The following ADGRV1 variants were observed in gnomAD, a reference collection of about 807,000 sequenced individuals.
ADGRV1 encodes G-protein coupled receptor 98.
ADGRV1 carries 359 observed loss-of-function variants against 596.2 expected under a neutral mutation model. That is an observed-to-expected ratio of 0.60 (90% confidence interval 0.55 to 0.66). The LOEUF is 0.66. Among genes scored for constraint, ADGRV1 ranks in the 30% least tolerant of loss-of-function variants. The pLI, the probability that ADGRV1 is intolerant of heterozygous loss-of-function variation, is 0.00. For missense variants in ADGRV1, 7,274 were observed against 7,575.6 expected (o/e 0.96, Z 1.48); for synonymous variants, 2,681 against 2,679.2 (o/e 1.00, Z -0.02).
rs1052056027 is a variant in ADGRV1 at position 90,807,834 on chromosome 5, A to C, written c.14972+97A>C. The C allele has an allele frequency of 9.1e-6, 10 of 1,094,280 alleles. 1 individual carries two copies. The highest frequency in any genetic ancestry group is 2.4e-5 in the Admixed American group (1 of 40,884). 67.8% of individuals were successfully genotyped at this position (1,094,280 alleles called of 1,614,324 possible). On this transcript the variant is annotated intron_variant, in intron 73 of 89. Transcript: ENST00000405460. Reference sequence around the variant, plus strand: ...AAAGGCACAAGGGTTATTCTCCTTGAAGCAAACACAAACATAGTTTTAGTG... The same window carrying C: ...AAAGGCACAAGGGTTATTCTCCTTGCAGCAAACACAAACATAGTTTTAGTG...
intron 87 of ADGRV1, among the ~76,000 whole-genome samples, chr5:91,121,848 ACT>A (rs1180798983): frequency 6.6e-6 from 1 of 152,014 alleles, no homozygotes; most frequent in Non-Finnish European, 1.5e-5. Context: ...GAGTTGAGCA[ACT>A]CTAAAGCCGT....
At chr5:90,908,547 G>T (rs1772538169) in intron 83 of ADGRV1, among the ~76,000 whole-genome samples, 1 of 152,122 alleles carries the variant, frequency 6.6e-6, no homozygotes, top group African/African-American at 2.4e-5. Flanking sequence ...CATATGTGAA[G>T]AAATCTGTGC....
At chr5:91,028,232 A>G (rs1784180963) in intron 85 of ADGRV1, among the ~76,000 whole-genome samples, 1 of 151,888 alleles carries the variant, frequency 6.6e-6, no homozygotes, top group African/African-American at 2.4e-5. Context: ...GAAACAATGG[A>G]CCAATTCCAC....
intron 50 of ADGRV1, among the ~76,000 whole-genome samples, chr5:90,730,945 T>G (rs1283512287): frequency 6.6e-6 from 1 of 152,142 alleles, no homozygotes; most frequent in African/African-American, 2.4e-5. Flanking sequence ...AGTTATTAAT[T>G]TGATATTATA....
intron 34 of ADGRV1, among the ~76,000 whole-genome samples, chr5:90,699,813 T>C (rs1045549389): frequency 1.3e-5 from 2 of 152,136 alleles, no homozygotes; most frequent in Non-Finnish European, 2.9e-5. Flanking sequence ...TGTAGCCTCG[T>C]CAGTTTCCAA....
In ADGRV1 at chr5:90,802,782, C is replaced by T. The variant is rs1761510125; in HGVS notation, c.14561C>T (p.Thr4854Ile). 1 of 1,613,130 alleles carries T rather than the reference C, an allele frequency of 6.2e-7. No homozygotes were observed. Among genetic ancestry groups the T allele is most frequent in the Non-Finnish European group, 8.5e-7 (1 of 1,179,538 alleles). ...LGSNFTLQLV[T>I]VMLVGGRFYG... ...TCTAATTTCACTTTGCAACTGGTGA[C>T]TGTGATGCTTGTCGGTGGACGTTTC... The change falls in exon 71 of 90, where the codon ACT (threonine) becomes ATT (isoleucine). Residue 4854 changes from threonine to isoleucine, a missense_variant. Coordinates refer to ENST00000405460, the MANE Select transcript of ADGRV1 (RefSeq NM_032119.4).
chr5:90,743,760 C>T (rs932630504), intron 50 of ADGRV1, among the ~76,000 whole-genome samples: 10 of 151,566 alleles, frequency 6.6e-5, no homozygotes, highest in Middle Eastern at 3.4e-3. Flanking sequence ...CATGAGCCAC[C>T]GTGCCCGGCC....
chr5:90,992,912 A>G (rs991274234), intron 85 of ADGRV1, among the ~76,000 whole-genome samples: 4 of 150,898 alleles, frequency 2.7e-5, no homozygotes, highest in African/African-American at 7.5e-5. Flanking sequence ...AAAATTATAG[A>G]GTTTACATAT....
rs544300970 is a variant in ADGRV1 at position 90,952,414 on chromosome 5, G to C, written c.17857-13001G>C. Among the ~76,000 whole-genome samples the C allele has an allele frequency of 7.9e-5, 12 of 152,182 alleles. No individual in the cohort carries two copies. The South Asian group carries it at 2.5e-3, about 32-fold the overall frequency. On this transcript the variant is annotated intron_variant, in intron 83 of 89. Coordinates refer to ENST00000405460, the MANE Select transcript of ADGRV1 (RefSeq NM_032119.4). ...CTTTTCATCTTTATTTCTACTTGCT[G>C]TTCAAGAGTACTACCTTTGTGTTAA...
At chr5:90,716,115 G>C (rs1218247694) in intron 42 of ADGRV1, among the ~76,000 whole-genome samples, 2 of 152,124 alleles carry the variant, frequency 1.3e-5, no homozygotes, top group Non-Finnish European at 2.9e-5. Context: ...ATAGCCCTGG[G>C]ACACTGTTAA....
At position 90,604,740 on chromosome 5, in the gene ADGRV1, A is replaced by T. The variant is rs145610657; in HGVS notation, c.23-10095A>T. On this transcript the variant is annotated intron_variant, in intron 1 of 89. Coordinates refer to ENST00000405460, the MANE Select transcript of ADGRV1 (RefSeq NM_032119.4). Reference sequence around the variant, plus strand: ...ACATGTGATCCTTATTTTTTAAAGGACCTAAAAGACAAGAGTTATCTTACT... The same window carrying T: ...ACATGTGATCCTTATTTTTTAAAGGTCCTAAAAGACAAGAGTTATCTTACT... Among the ~76,000 whole-genome samples, 8 of 152,208 alleles carry T rather than the reference A, an allele frequency of 5.3e-5. No individual in the cohort carries two copies. The East Asian group carries it at 1.4e-3, about 26-fold the overall frequency.
chr5:90,795,588 TC>T (rs1384441835), intron 70 of ADGRV1, among the ~76,000 whole-genome samples: 11 of 151,952 alleles, frequency 7.2e-5, no homozygotes, highest in Admixed American at 2.0e-4. Context: ...GACTTAAACT[TC>T]CCTGCCTGAC....
intron 11 of ADGRV1, chr5:90,640,832 A>G (rs900419163): frequency 1.3e-5 from 2 of 152,512 alleles, no homozygotes; most frequent in South Asian, 4.1e-4. Flanking sequence ...TTCTGTGTTG[A>G]CAGGGTAGAA....
Position 90,694,181 on chromosome 5 carries a change from C to G in ADGRV1, c.7425C>G (p.Asn2475Lys), listed in dbSNP as rs375636806. 1 of 1,613,696 alleles carries G rather than the reference C, an allele frequency of 6.2e-7. No individual in the cohort carries two copies. Among genetic ancestry groups the G allele is most frequent in the Non-Finnish European group, 8.5e-7 (1 of 1,179,850 alleles). The change falls in exon 33 of 90, where the codon AAC becomes AAG. Residue 2475 changes from asparagine (N) to lysine (K), a missense_variant. By Grantham distance (94) the Asn-to-Lys change is moderately conservative. This residue lies in a region of ADGRV1 where 3,643 missense variants were observed against 3,809.2 expected (regional missense o/e 0.96). Transcript: ENST00000405460. ...WMTSWISPAV[N>K]NSDFWTYRKN... ...CATCATGGATCAGCCCAGCTGTCAA[C>G]AATTCAGACTTCTGGACCTACAGGA...
intron 85 of ADGRV1, among the ~76,000 whole-genome samples, chr5:91,062,283 C>T (rs1787505416): frequency 6.6e-6 from 1 of 152,206 alleles, no homozygotes; most frequent in Non-Finnish European, 1.5e-5. Flanking sequence ...GTGCAACTGT[C>T]CCTGTCAAAT....
chr5:90,635,341 A>G, intron 10 of ADGRV1, 51 bp downstream of exon 10: 1 of 1,455,836 alleles, frequency 6.9e-7, no homozygotes, highest in Non-Finnish European at 9.3e-7. Context: ...GAAGTAATGT[A>G]CAGACACTAT....
chr5:90,842,182 C>G (rs769281346), intron 78 of ADGRV1, among the ~76,000 whole-genome samples: 1 of 152,012 alleles, frequency 6.6e-6, no homozygotes, highest in Non-Finnish European at 1.5e-5. Flanking sequence ...GTATGTTAAC[C>G]AAGTTATTAT....
chr5:91,030,701 A>T (rs1441575377), intron 85 of ADGRV1, among the ~76,000 whole-genome samples: 1 of 152,208 alleles, frequency 6.6e-6, no homozygotes. Context: ...TATGTTGCAC[A>T]GTAGAATAGG....
At chr5:90,840,550 C>G in intron 77 of ADGRV1, 28 bp from the exon 78 acceptor site, 5 of 1,538,228 alleles carry the variant, frequency 3.3e-6, no homozygotes, top group Non-Finnish European at 4.4e-6. Flanking sequence ...GTCATAGATT[C>G]ACTTAAATGG....
Sources: gnomAD v4.1 joint callset for allele counts (sites outside exome capture counted in the v4.1 genomes callset) on GRCh38, gnomAD v4.1.1 for gene constraint, gnomAD v4.1.1 regional missense constraint, MANE v1.5 for transcripts, NCBI Gene and HGNC (gene_info 2026-07-23, HGNC 2026-07-21) for gene names.